The following EXOC6B variants were observed in gnomAD, a reference collection of about 807,000 sequenced individuals.
The protein encoded by EXOC6B is SEC15 homolog B.
A neutral mutation model predicts 113.5 loss-of-function variants in EXOC6B; 54 were observed. That is an observed-to-expected ratio of 0.48 (90% CI 0.38 to 0.60). The LOEUF (loss-of-function observed/expected upper bound fraction) is 0.60. Among genes scored for constraint, EXOC6B ranks in the 20% least tolerant of loss-of-function variants. The pLI is 0.00. For missense variants in EXOC6B, 797 were observed against 977.5 expected (o/e 0.82, Z 2.46); for synonymous variants, 357 against 339.0 (o/e 1.05, Z -0.58).
At chr2:72,515,442 A>C in intron 8 of EXOC6B, 1 of 1,112,508 alleles carries the variant, frequency 9.0e-7, no homozygotes, top group Non-Finnish European at 1.1e-6. Flanking sequence ...CAACCTTTCC[A>C]TAAGTTATGA....
At chr2:72,481,847 A>G (rs1010997798) in intron 16 of EXOC6B, among the ~76,000 whole-genome samples, 1 of 152,200 alleles carries the variant, frequency 6.6e-6, no homozygotes, top group Non-Finnish European at 1.5e-5. Context: ...GTCTTCTATA[A>G]ATTACTAGAA....
At chr2:72,521,225 T>C (rs1701469187) in intron 8 of EXOC6B, among the ~76,000 whole-genome samples, 1 of 152,136 alleles carries the variant, frequency 6.6e-6, no homozygotes, top group African/African-American at 2.4e-5. Context: ...CTCTGGAGGA[T>C]AAGGCAATAA....
intron 1 of EXOC6B, among the ~76,000 whole-genome samples, chr2:72,773,115 A>ATTTTC (rs1683494247): frequency 2.5e-5 from 3 of 118,260 alleles, no homozygotes; most frequent in African/African-American, 7.4e-5. Flanking sequence ...TAGACCTTAG[A>ATTTTC]TTTTCTTTTT....
chr2:72,191,163 C>G (rs754145337), intron 20 of EXOC6B, among the ~76,000 whole-genome samples: 10 of 152,118 alleles, frequency 6.6e-5, no homozygotes, highest in Admixed American at 6.5e-4. Flanking sequence ...AAAGATATGA[C>G]AAGGGGAGAC....
chr2:72,582,437 A>G (rs1705281686), intron 6 of EXOC6B, among the ~76,000 whole-genome samples: 1 of 152,092 alleles, frequency 6.6e-6, no homozygotes, highest in South Asian at 2.1e-4. Flanking sequence ...GGATCACTTA[A>G]TTTCAGGAGG....
At chr2:72,291,978 T>C (rs1221835142) in intron 20 of EXOC6B, among the ~76,000 whole-genome samples, 16 of 152,168 alleles carry the variant, frequency 1.1e-4, no homozygotes. Context: ...AGAATCACAA[T>C]CAAAGGTTAA....
At chr2:72,250,904 G>A (rs1459578123) in intron 20 of EXOC6B, among the ~76,000 whole-genome samples, 3 of 152,050 alleles carry the variant, frequency 2.0e-5, no homozygotes, top group Admixed American at 6.6e-5. Flanking sequence ...CTGGAGTGGA[G>A]TGGTGTGATG....
chr2:72,676,127 A>G (rs966340425), intron 6 of EXOC6B, among the ~76,000 whole-genome samples: 3 of 131,478 alleles, frequency 2.3e-5, no homozygotes, highest in Admixed American at 2.2e-4. Flanking sequence ...ATTCTAGTTT[A>G]AAAAAAAAAA....
At chr2:72,573,915 A>C (rs1704664644) in intron 7 of EXOC6B, among the ~76,000 whole-genome samples, 1 of 152,064 alleles carries the variant, frequency 6.6e-6, no homozygotes, top group South Asian at 2.1e-4. Context: ...GGTGATCCAG[A>C]CCATCCTGGC....
At chr2:72,667,726 A>C (rs533466717) in intron 6 of EXOC6B, among the ~76,000 whole-genome samples, 18 of 152,356 alleles carry the variant, frequency 1.2e-4, no homozygotes, top group African/African-American at 4.3e-4. Flanking sequence ...AATTCACTCA[A>C]GATGGACTAA....
In EXOC6B at chr2:72,781,221, C is replaced by G. The variant is rs558771686; in HGVS notation, c.114-39752G>C. On this transcript the variant is annotated intron_variant, in intron 1 of 21. Coordinates refer to ENST00000272427, the MANE Select transcript of EXOC6B (RefSeq NM_015189.3). ...CTATCCATTTTTTCTTCATACTGTT[C>G]CTCTACACAAGGTTTTCTCCTCTCT... is the stretch of plus-strand genomic sequence containing the variant. Among the ~76,000 whole-genome samples, 4 of 152,228 alleles carry G rather than the reference C, an allele frequency of 2.6e-5. No individual in the cohort carries two copies. The South Asian group carries it at 8.3e-4, about 32-fold the overall frequency.
chr2:72,410,494 G>A (rs1694104322), intron 18 of EXOC6B, among the ~76,000 whole-genome samples: 1 of 152,124 alleles, frequency 6.6e-6, no homozygotes, highest in Admixed American at 6.6e-5. Flanking sequence ...CAAGCAAAAG[G>A]CTATACACAG....
intron 17 of EXOC6B, among the ~76,000 whole-genome samples, chr2:72,472,491 T>C (rs373790508): frequency 6.6e-6 from 1 of 152,148 alleles, no homozygotes. Context: ...CTGGTTACCA[T>C]ATATTTGTTC....
At chr2:72,353,497 G>A (rs962229083) in intron 19 of EXOC6B, among the ~76,000 whole-genome samples, 4 of 151,796 alleles carry the variant, frequency 2.6e-5, no homozygotes, top group African/African-American at 7.3e-5. Context: ...TCAGCCTCCC[G>A]AGTAGCTGGG....
At chr2:72,476,998 G>A (rs1454392574) in intron 17 of EXOC6B, among the ~76,000 whole-genome samples, 2 of 152,054 alleles carry the variant, frequency 1.3e-5, no homozygotes, top group Non-Finnish European at 2.9e-5. Flanking sequence ...GGTCCTAAAG[G>A]TGGAACCTCA....
At chr2:72,300,035 C>A (rs1183132044) in intron 20 of EXOC6B, among the ~76,000 whole-genome samples, 4 of 152,170 alleles carry the variant, frequency 2.6e-5, no homozygotes, top group Non-Finnish European at 5.9e-5. Context: ...TGTCCCTTAG[C>A]AGAGCTCAAA....
chr2:72,312,404 T>C (rs946123708), intron 20 of EXOC6B, among the ~76,000 whole-genome samples: 3 of 152,086 alleles, frequency 2.0e-5, no homozygotes, highest in Admixed American at 2.0e-4. Flanking sequence ...TCCTGCGTCA[T>C]AAGCTGAGGA....
At chr2:72,714,815 G>A (rs1436487827) in intron 6 of EXOC6B, among the ~76,000 whole-genome samples, 1 of 152,120 alleles carries the variant, frequency 6.6e-6, no homozygotes, top group Non-Finnish European at 1.5e-5. Context: ...TTCCCAAAGA[G>A]AGGAGAAGAA....
At chr2:72,406,987 AAG>A (rs201889311) in intron 18 of EXOC6B, among the ~76,000 whole-genome samples, 7,125 of 152,244 alleles carry the variant, frequency 0.047, 233 homozygotes, top group Non-Finnish European at 0.073. Flanking sequence ...TAAAGAAGAA[AAG>A]AGAGAAGAAT....
Sources: gnomAD v4.1 joint callset for allele counts (sites outside exome capture counted in the v4.1 genomes callset) on GRCh38, gnomAD v4.1.1 for gene constraint, MANE v1.5 for transcripts, NCBI Gene and HGNC (gene_info 2026-07-23, HGNC 2026-07-21) for gene names.